Variants in NCAM2 observed in about 807,000 individuals in gnomAD.
The protein encoded by NCAM2 is N-CAM-2.
NCAM2 carries 30 observed loss-of-function variants against 98.1 expected under a neutral mutation model. The observed-to-expected ratio is 0.31, with a 90% CI of 0.23 to 0.41. NCAM2 has a LOEUF of 0.41. Ranked by LOEUF, NCAM2 falls within the 10% of genes least tolerant of loss-of-function variation. The pLI is 1.00. For synonymous variants in NCAM2, 368 were observed against 342.4 expected (o/e 1.07, Z -0.83); for missense variants, 867 against 1,005.8 (o/e 0.86, Z 1.87).
chr21:21,391,940 A>G (rs1196697731), intron 9 of NCAM2, among the ~76,000 whole-genome samples: 1 of 152,116 alleles, frequency 6.6e-6, no homozygotes, highest in Non-Finnish European at 1.5e-5. Context: ...AAAAATTCTT[A>G]TTTTTAAAAA....
chr21:21,226,410 C>T (rs1345644552), intron 1 of NCAM2, among the ~76,000 whole-genome samples: 1 of 151,868 alleles, frequency 6.6e-6, no homozygotes, highest in African/African-American at 2.4e-5. Flanking sequence ...TATTCATTAC[C>T]TCAGATTTAA....
intron 1 of NCAM2, among the ~76,000 whole-genome samples, chr21:21,131,405 C>T (rs932261533): frequency 1.3e-5 from 2 of 152,084 alleles, no homozygotes; most frequent in African/African-American, 4.8e-5. Context: ...TCCCTAGTAG[C>T]TGGGATTACA....
At chr21:21,053,428 A>T (rs2065150789) in intron 1 of NCAM2, among the ~76,000 whole-genome samples, 1 of 151,884 alleles carries the variant, frequency 6.6e-6, no homozygotes, top group African/African-American at 2.4e-5. Context: ...AAGCATGTGG[A>T]CCAGTTACCA....
intron 8 of NCAM2, among the ~76,000 whole-genome samples, chr21:21,364,626 A>ATATG (rs1457006108): frequency 1.3e-5 from 2 of 152,100 alleles, no homozygotes; most frequent in East Asian, 3.9e-4. Flanking sequence ...ATATACATGT[A>ATATG]TATGTATACG....
rs189779229 is a variant in NCAM2 at position 21,163,981 on chromosome 21, G to C, written c.56-116597G>C. Among the ~76,000 whole-genome samples the C allele has an allele frequency of 5.3e-5, 8 of 152,248 alleles. No homozygotes were observed. In the East Asian group the frequency reaches 1.4e-3, roughly 26 times the overall value. On this transcript the variant is annotated intron_variant, in intron 1 of 17. Coordinates refer to ENST00000400546, the MANE Select transcript of NCAM2 (RefSeq NM_004540.5). ...CTGTCTGGATTAGACCAATGCAATG[G>C]ATGAGAATTAATAACGATTCCTGGA...
rs181760216 is a variant in NCAM2 at position 20,998,909 on chromosome 21, G to T, written c.55+291G>T. Among the ~76,000 whole-genome samples, 13 of 151,924 alleles carry T rather than the reference G, an allele frequency of 8.6e-5. No homozygotes were observed. The East Asian group carries it at 2.5e-3, about 29-fold the overall frequency. ...TTCTTTTTTTTTCCTCTGGGATTAT[G>T]GCTTTCTCTTATTTTTATTATCAGA... is the stretch of plus-strand genomic sequence containing the variant. On this transcript the variant is annotated intron_variant, in intron 1 of 17. Coordinates refer to ENST00000400546, the MANE Select transcript of NCAM2 (RefSeq NM_004540.5).
intron 1 of NCAM2, among the ~76,000 whole-genome samples, chr21:21,126,932 G>T (rs898906040): frequency 4.0e-5 from 6 of 151,834 alleles, no homozygotes; most frequent in Admixed American, 2.0e-4. Context: ...TACCTTCTAG[G>T]AGAAAAAGGT....
At chr21:21,477,535 T>G in intron 15 of NCAM2, 64 bp downstream of exon 15, 1 of 1,233,926 alleles carries the variant, frequency 8.1e-7, no homozygotes, top group Non-Finnish European at 1.1e-6. Flanking sequence ...TTTATAACCC[T>G]TACTGACTTT....
intron 9 of NCAM2, among the ~76,000 whole-genome samples, chr21:21,383,180 G>C (rs2076195971): frequency 6.6e-6 from 1 of 152,080 alleles, no homozygotes; most frequent in South Asian, 2.1e-4. Flanking sequence ...TAAATATGTG[G>C]GGATTTTATT....
At chr21:21,200,828 C>G (rs985584745) in intron 1 of NCAM2, among the ~76,000 whole-genome samples, 2 of 134,468 alleles carry the variant, frequency 1.5e-5, no homozygotes, top group South Asian at 4.7e-4. Flanking sequence ...TAAAATTAGT[C>G]TTATAAACTG....
chr21:21,350,653 G>A (rs1261771890), intron 8 of NCAM2, among the ~76,000 whole-genome samples: 1 of 152,126 alleles, frequency 6.6e-6, no homozygotes, highest in Non-Finnish European at 1.5e-5. Context: ...GTTAAAAACA[G>A]AGCTATTTTA....
At chr21:21,385,720 G>A in intron 9 of NCAM2, 6 of 1,187,444 alleles carry the variant, frequency 5.1e-6, no homozygotes, top group Non-Finnish European at 6.6e-6. Context: ...GAGAAAACAG[G>A]CATGTGATAT....
At chr21:21,514,402 G>A (rs1268897656) in intron 16 of NCAM2, among the ~76,000 whole-genome samples, 7 of 148,462 alleles carry the variant, frequency 4.7e-5, no homozygotes, top group Admixed American at 6.8e-5. Context: ...CTTGAACCTC[G>A]GAAGTGGAAG....
chr21:21,082,276 C>CAAAA (rs1258667195), intron 1 of NCAM2, among the ~76,000 whole-genome samples: 7 of 19,310 alleles, frequency 3.6e-4, no homozygotes, highest in Non-Finnish European at 7.0e-4. Flanking sequence ...TATCAGAGCT[C>CAAAA]AAAACAAAAA....
chr21:21,459,997 C>A (rs2146186814), intron 12 of NCAM2, among the ~76,000 whole-genome samples: 1 of 151,788 alleles, frequency 6.6e-6, no homozygotes, highest in Non-Finnish European at 1.5e-5. Flanking sequence ...GTTTAATTAG[C>A]TTGAATTTAT....
At chr21:21,278,926 G>C (rs1419274111) in intron 1 of NCAM2, among the ~76,000 whole-genome samples, 1 of 151,926 alleles carries the variant, frequency 6.6e-6, no homozygotes, top group Non-Finnish European at 1.5e-5. Flanking sequence ...AATCTCATGG[G>C]TTTATTTCTC....
intron 9 of NCAM2, 101 bp from the exon 10 acceptor site, chr21:21,410,173 G>A (rs1009998828): frequency 3.0e-6 from 2 of 659,970 alleles, no homozygotes; most frequent in African/African-American, 1.9e-5. Flanking sequence ...GAATTATGTG[G>A]CTTCTTTTTA....
At chr21:21,350,673 CTA>C (rs2147937762) in intron 8 of NCAM2, among the ~76,000 whole-genome samples, 1 of 152,248 alleles carries the variant, frequency 6.6e-6, no homozygotes, top group East Asian at 1.9e-4. Flanking sequence ...AAACTAATGA[CTA>C]TTGTTATCTG....
At chr21:21,259,174 A>C (rs571206119) in intron 1 of NCAM2, among the ~76,000 whole-genome samples, 10 of 152,192 alleles carry the variant, frequency 6.6e-5, no homozygotes, top group African/African-American at 2.4e-4. Flanking sequence ...GTGGGGCCCA[A>C]CTTCCCCTCC....
Sources: allele counts gnomAD v4.1 joint callset (sites outside exome capture counted in the v4.1 genomes callset), GRCh38; gene constraint gnomAD v4.1.1; transcripts MANE v1.5; gene names NCBI Gene and HGNC (gene_info 2026-07-23, HGNC 2026-07-21).